KPNA3: variants seen among roughly 807,000 people sequenced by gnomAD.
The protein encoded by KPNA3 is importin subunit alpha-4.
A neutral mutation model predicts 73.8 loss-of-function variants in KPNA3; 13 were observed. That is an observed-to-expected ratio of 0.18 (90% CI 0.11 to 0.28). The LOEUF (loss-of-function observed/expected upper bound fraction) is 0.28, where lower values mean the gene tolerates loss of function less well. KPNA3 is among the 10% of genes least tolerant of loss of function. KPNA3 has a pLI of 1.00. For missense variants in KPNA3, 360 were observed against 618.1 expected, an observed-to-expected ratio of 0.58 and a Z score of 4.43; for synonymous variants, 186 against 206.9, an observed-to-expected ratio of 0.90 and a Z score of 0.87.
intron 10 of KPNA3, among the ~76,000 whole-genome samples, chr13:49,712,716 T>C (rs945033189): frequency 1.2e-4 from 18 of 152,100 alleles, no homozygotes; most frequent in African/African-American, 4.1e-4. Flanking sequence ...CATGCATCAT[T>C]GCACAGGTAA....
intron 8 of KPNA3, 106 bp downstream of exon 8, chr13:49,722,371 A>C (rs1954367679): frequency 2.6e-6 from 2 of 754,968 alleles, no homozygotes; most frequent in East Asian, 2.6e-5. Flanking sequence ...GCAAGAAGAG[A>C]GTCAACACAC....
At chr13:49,732,266 A>C (rs1954477092) in intron 6 of KPNA3, 105 bp downstream of exon 6, 1 of 498,088 alleles carries the variant, frequency 2.0e-6, no homozygotes, top group African/African-American at 2.0e-5. Flanking sequence ...TGACGATTGA[A>C]AAACATCATA....
At chr13:49,772,668 T>C (rs980497579) in intron 1 of KPNA3, among the ~76,000 whole-genome samples, 13 of 152,038 alleles carry the variant, frequency 8.6e-5, no homozygotes, top group Admixed American at 7.2e-4. Flanking sequence ...CAGGGCATGG[T>C]GGCGCACGTC....
At chr13:49,766,317 T>A (rs1276378454) in intron 1 of KPNA3, among the ~76,000 whole-genome samples, 1 of 152,190 alleles carries the variant, frequency 6.6e-6, no homozygotes. Flanking sequence ...CTTCTTAATG[T>A]TTTTAGGTCC....
At chr13:49,767,666 T>C (rs1321800159) in intron 1 of KPNA3, among the ~76,000 whole-genome samples, 2 of 152,108 alleles carry the variant, frequency 1.3e-5, no homozygotes. Flanking sequence ...GGAAAGACCA[T>C]AAGAGTGGCT....
At chr13:49,746,848 A>G (rs1371511326) in intron 2 of KPNA3, 101 bp downstream of exon 2, 1 of 792,050 alleles carries the variant, frequency 1.3e-6, no homozygotes, top group African/African-American at 1.7e-5. Context: ...GGTTTTAGGG[A>G]TGACCACTAA....
intron 1 of KPNA3, among the ~76,000 whole-genome samples, chr13:49,763,934 C>T (rs567702380): frequency 3.9e-5 from 6 of 152,146 alleles, no homozygotes; most frequent in Middle Eastern, 6.8e-3. Context: ...GGGTGTGGTG[C>T]TGTGCACCTG....
At position 49,732,540 on chromosome 13, in the gene KPNA3, C is replaced by T; in HGVS notation, c.287+65G>A. 5 of 1,447,294 alleles carry T rather than the reference C, an allele frequency of 3.5e-6. No individual in the cohort carries two copies. In the South Asian group the frequency reaches 4.7e-5, roughly 14 times the overall value. 89.7% of individuals were successfully genotyped at this position (1,447,294 alleles called of 1,614,324 possible). A position where few individuals can be genotyped will look rare whatever the true frequency, so the allele number is the denominator to read the frequency against. ...AAAAGAAATAACAACATATTAACTT[C>T]TAGACTACCAGGTAACACAACTGAG... On this transcript the variant is annotated intron_variant, in intron 5 of 16. Coordinates refer to ENST00000261667, the MANE Select transcript of KPNA3 (RefSeq NM_002267.4).
At chr13:49,783,066 A>G (rs1360107921) in intron 1 of KPNA3, among the ~76,000 whole-genome samples, 3 of 152,158 alleles carry the variant, frequency 2.0e-5, no homozygotes, top group Non-Finnish European at 4.4e-5. Context: ...CGTAAAAATC[A>G]AGAAGAAAAT....
chr13:49,704,642 A>AT (rs1454793012), intron 15 of KPNA3, among the ~76,000 whole-genome samples: 4 of 152,148 alleles, frequency 2.6e-5, no homozygotes, highest in African/African-American at 9.7e-5. Flanking sequence ...TTTAAGGTTT[A>AT]AACATGTTAG....
chr13:49,773,935 T>C (rs910636496), intron 1 of KPNA3, among the ~76,000 whole-genome samples: 2 of 152,162 alleles, frequency 1.3e-5, no homozygotes, highest in Non-Finnish European at 1.5e-5. Context: ...GAGACAGCTC[T>C]TGCTCTGTCA....
At chr13:49,759,381 A>G (rs1441341490) in intron 1 of KPNA3, among the ~76,000 whole-genome samples, 1 of 152,194 alleles carries the variant, frequency 6.6e-6, no homozygotes, top group Non-Finnish European at 1.5e-5. Flanking sequence ...GACTAGTTTC[A>G]CAGAAGACAA....
At chr13:49,741,339 A>G (rs960489316) in intron 2 of KPNA3, among the ~76,000 whole-genome samples, 21 of 152,212 alleles carry the variant, frequency 1.4e-4, no homozygotes, top group African/African-American at 4.8e-4. Context: ...TAACAGGTGT[A>G]AGATGATATC....
chr13:49,766,954 CTT>C lies in KPNA3; in HGVS notation c.70-19963_70-19962del, dbSNP rs11348363. Among the ~76,000 whole-genome samples, 193 of 132,448 alleles carry C rather than the reference CTT, an allele frequency of 1.5e-3. 1 individual carries two copies. Among genetic ancestry groups the C allele is most frequent in the Non-Finnish European group, 1.6e-3 (101 of 62,314 alleles). 86.9% of individuals were successfully genotyped at this position (132,448 alleles called of 152,430 possible). A position where few individuals can be genotyped will look rare whatever the true frequency, so the allele number is the denominator to read the frequency against. ...TTTACAAATAACTGAAATGGGATTC[CTT>C]TTTTTTTTTTTTTCCTCTTCACAGA... On this transcript the variant is annotated intron_variant, in intron 1 of 16. Transcript: ENST00000261667.
intron 1 of KPNA3, among the ~76,000 whole-genome samples, chr13:49,779,081 C>T (rs1353063624): frequency 1.3e-5 from 2 of 150,078 alleles, no homozygotes; most frequent in South Asian, 2.1e-4. Flanking sequence ...TAAATTCCAA[C>T]GTTCCTGCTA....
At chr13:49,765,318 TATTA>T (rs1219400454) in intron 1 of KPNA3, among the ~76,000 whole-genome samples, 1 of 152,236 alleles carries the variant, frequency 6.6e-6, no homozygotes, top group Non-Finnish European at 1.5e-5. Flanking sequence ...ACGTACTATT[TATTA>T]TTTTGCTCAC....
intron 1 of KPNA3, among the ~76,000 whole-genome samples, chr13:49,755,936 T>C (rs1472061281): frequency 2.6e-5 from 4 of 152,140 alleles, no homozygotes; most frequent in Non-Finnish European, 5.9e-5. Context: ...ATTATATTTC[T>C]ATATACTAGC....
intron 1 of KPNA3, among the ~76,000 whole-genome samples, chr13:49,757,277 G>A (rs60856213): frequency 0.12 from 18,112 of 151,304 alleles, 2,175 homozygotes; most frequent in East Asian, 0.58. Flanking sequence ...AAAAAAATTT[G>A]CAACCACATA....
At chr13:49,715,392 TA>T (rs1954295570) in intron 10 of KPNA3, among the ~76,000 whole-genome samples, 1 of 152,138 alleles carries the variant, frequency 6.6e-6, no homozygotes, top group Admixed American at 6.6e-5. Context: ...AAATGGCCCT[TA>T]AACAAATGAA....
Sources: gnomAD v4.1 joint callset for allele counts (sites outside exome capture counted in the v4.1 genomes callset) on GRCh38, gnomAD v4.1.1 for gene constraint, MANE v1.5 for transcripts, NCBI Gene and HGNC (gene_info 2026-07-23, HGNC 2026-07-21) for gene names.